LTBP1: variants seen among roughly 807,000 people sequenced by gnomAD.
LTBP1 encodes the protein latent transforming growth factor beta binding protein 1.
In LTBP1, 129 loss-of-function variants were observed where a neutral mutation model predicts 207.6. That is an observed-to-expected ratio of 0.62 (90% CI 0.54 to 0.72). LTBP1 has a LOEUF of 0.72. Among genes scored for constraint, LTBP1 ranks in the 30% least tolerant of loss-of-function variants. LTBP1 has a pLI of 0.00. For synonymous variants in LTBP1, 963 were observed against 833.7 expected, an observed-to-expected ratio of 1.16 and a Z score of -2.67; for missense variants, 2,281 against 2,217.2, an observed-to-expected ratio of 1.03 and a Z score of -0.58.
At chr2:33,081,201 A>G (rs1053593532) in intron 3 of LTBP1, among the ~76,000 whole-genome samples, 5 of 152,138 alleles carry the variant, frequency 3.3e-5, no homozygotes, top group Admixed American at 2.6e-4. Flanking sequence ...TCCTCTGGGT[A>G]TAGGGAGGAT....
chr2:33,301,402 T>A, intron 21 of LTBP1, 120 bp from the exon 22 acceptor site: 1 of 1,194,028 alleles, frequency 8.4e-7, no homozygotes, highest in Non-Finnish European at 1.1e-6. Flanking sequence ...CGACAATACA[T>A]GATGGTCATT....
chr2:33,228,394 A>G (rs139966878), intron 9 of LTBP1, among the ~76,000 whole-genome samples: 2,249 of 152,340 alleles, frequency 0.015, 23 homozygotes, highest in East Asian at 0.026. Context: ...ATTGAGACCT[A>G]GAGAGGCTAA....
At chr2:33,289,874 A>C (rs76767293) in intron 19 of LTBP1, among the ~76,000 whole-genome samples, 1 of 152,202 alleles carries the variant, frequency 6.6e-6, no homozygotes, top group Non-Finnish European at 1.5e-5. Flanking sequence ...GGGAAAAGGC[A>C]ACCATGGGGT....
intron 2 of LTBP1, among the ~76,000 whole-genome samples, chr2:33,005,536 C>A (rs1686724233): frequency 6.6e-6 from 1 of 151,554 alleles, no homozygotes; most frequent in Non-Finnish European, 1.5e-5. Flanking sequence ...CTGCATGTCA[C>A]TTTCAGAACA....
intron 5 of LTBP1, among the ~76,000 whole-genome samples, chr2:33,145,222 T>C (rs2082929631): frequency 6.6e-6 from 1 of 152,106 alleles, no homozygotes. Flanking sequence ...ACTGAAAGAC[T>C]GGCATGACTG....
intron 7 of LTBP1, among the ~76,000 whole-genome samples, chr2:33,208,808 G>A (rs946836060): frequency 3.3e-5 from 5 of 151,586 alleles, no homozygotes; most frequent in Non-Finnish European, 7.4e-5. Context: ...AGTTGAGTTT[G>A]TGTGGGAGGT....
intron 2 of LTBP1, among the ~76,000 whole-genome samples, chr2:32,992,506 A>C (rs566357495): frequency 6.6e-6 from 1 of 152,336 alleles, no homozygotes; most frequent in Non-Finnish European, 1.5e-5. Context: ...ATGAAGGATT[A>C]GATGGTAGGT....
intron 4 of LTBP1, among the ~76,000 whole-genome samples, chr2:33,127,499 A>G (rs2081504029): frequency 6.6e-6 from 1 of 152,050 alleles, no homozygotes; most frequent in Admixed American, 6.6e-5. Context: ...GCCTCAGTTC[A>G]TACCAGGCCT....
chr2:33,258,327 G>A (rs1291792239), intron 12 of LTBP1, among the ~76,000 whole-genome samples: 1 of 152,174 alleles, frequency 6.6e-6, no homozygotes, highest in East Asian at 1.9e-4. Context: ...AGCTCCTGTT[G>A]GCTTTTCACA....
chr2:33,230,043 C>T lies in LTBP1; in HGVS notation c.1876+7892C>T, dbSNP rs531812431. 2.9e-3 allele frequency among the ~76,000 whole-genome samples: 440 copies of T among 152,256 alleles called. 3 individuals are homozygous for T. The highest frequency in any genetic ancestry group is 4.9e-3 in the Non-Finnish European group (331 of 68,006). ...ATATTGATGGTCAGTAAAATGAAAT[C>T]GAACTTGCTCACATTACATATGTAC... On this transcript the variant is annotated intron_variant, in intron 9 of 33. Transcript: ENST00000404816.
chr2:33,335,578 G>A (rs1355136207), intron 24 of LTBP1, among the ~76,000 whole-genome samples: 4 of 152,034 alleles, frequency 2.6e-5, no homozygotes, highest in African/African-American at 9.7e-5. Flanking sequence ...ATTTCCTATT[G>A]GCTAAATTTT....
At chr2:32,959,597 G>GTATATATATATATA (rs71407487) in intron 2 of LTBP1, among the ~76,000 whole-genome samples, 1 of 58,340 alleles carries the variant, frequency 1.7e-5, no homozygotes, top group African/African-American at 6.0e-5. Flanking sequence ...ATATGTACGT[G>GTATATATATATATA]TATATATATA....
chr2:33,396,343 C>T (rs968000536), intron 32 of LTBP1, among the ~76,000 whole-genome samples: 1 of 152,152 alleles, frequency 6.6e-6, no homozygotes, highest in Admixed American at 6.5e-5. Flanking sequence ...GCCTCAGCCT[C>T]CCAAGTAGCT....
intron 2 of LTBP1, among the ~76,000 whole-genome samples, chr2:32,961,574 A>C (rs931113197): frequency 2.6e-5 from 4 of 152,050 alleles, no homozygotes; most frequent in African/African-American, 9.7e-5. Flanking sequence ...TCAACATCTA[A>C]TTTACACGTT....
At chr2:32,960,330 A>G (rs1193340535) in intron 2 of LTBP1, among the ~76,000 whole-genome samples, 2 of 152,122 alleles carry the variant, frequency 1.3e-5, no homozygotes, top group East Asian at 1.9e-4. Flanking sequence ...TGTGAGCTCT[A>G]TGAGGGTAGG....
At chr2:33,118,755 G>A (rs757222417) in intron 4 of LTBP1, among the ~76,000 whole-genome samples, 10 of 152,192 alleles carry the variant, frequency 6.6e-5, no homozygotes, top group African/African-American at 2.4e-4. Context: ...GAGCAGTCTT[G>A]CCATGCACGT....
chr2:32,971,034 GTGTGTGTGTC>G (rs1173445676), intron 2 of LTBP1, among the ~76,000 whole-genome samples: 10 of 149,844 alleles, frequency 6.7e-5, no homozygotes, highest in South Asian at 4.2e-4. Context: ...GTGTGTGTGT[GTGTGTGTGTC>G]TGTCTGTCTT....
chr2:33,143,544 A>G (rs912699853), intron 5 of LTBP1, among the ~76,000 whole-genome samples: 1 of 152,216 alleles, frequency 6.6e-6, no homozygotes, highest in East Asian at 1.9e-4. Context: ...TCCACTGACC[A>G]CAAGATGCAT....
At chr2:33,152,650 G>A (rs75784958) in intron 5 of LTBP1, among the ~76,000 whole-genome samples, 2,283 of 152,318 alleles carry the variant, frequency 0.015, 23 homozygotes, top group East Asian at 0.027. Flanking sequence ...ACTAGTGGGT[G>A]TGAAGTGGTG....
Sources: allele counts gnomAD v4.1 joint callset (sites outside exome capture counted in the v4.1 genomes callset), GRCh38; gene constraint gnomAD v4.1.1; transcripts MANE v1.5; gene names NCBI Gene and HGNC (gene_info 2026-07-23, HGNC 2026-07-21).